Variants in HIVEP3 observed in about 807,000 individuals in gnomAD.
HIVEP3 encodes HIVEP zinc finger 3.
In HIVEP3, 49 loss-of-function variants were observed where a neutral mutation model predicts 152.8. The observed-to-expected ratio is 0.32, with a 90% CI of 0.26 to 0.41. The LOEUF is 0.41. Ranked by LOEUF, HIVEP3 falls within the 10% of genes least tolerant of loss-of-function variation. HIVEP3 has a pLI of 1.00. For missense variants in HIVEP3, 2,790 were observed against 3,103.3 expected (o/e 0.90, Z 2.40); for synonymous variants, 1,269 against 1,289.0 (o/e 0.98, Z 0.33).
intron 1 of HIVEP3, among the ~76,000 whole-genome samples, chr1:41,963,301 G>A (rs1190355109): frequency 3.3e-5 from 5 of 152,254 alleles, no homozygotes; most frequent in African/African-American, 1.2e-4. Context: ...GTGAGCCACC[G>A]CGCCCGGCCA....
rs768994115 is a variant in HIVEP3, at chr1:41,511,211, G to A, written c.6461C>T (p.Ser2154Phe). 76 of 1,613,652 alleles carry A rather than the reference G, an allele frequency of 4.7e-5. No individual in the cohort carries two copies. Among genetic ancestry groups the A allele is most frequent in the Admixed American group, 8.3e-5 (5 of 59,986 alleles). ...SCSPGPAHPL[S>F]SRPFSALHDF... ...ATGGAGGGCGGAGAAGGGTCGGGAG[G>A]AGAGAGGATGAGCAGGGCCGGGTGA... Residue 2154 changes from serine (S) to phenylalanine (F), a missense_variant, in exon 9 of 9, where the codon TCC (serine) becomes TTC (phenylalanine). Physicochemically the swap from Ser to Phe is radical, Grantham distance 155. Around this residue, in one of 9 missense-constraint regions of HIVEP3, gnomAD observed 816 missense variants for 806.5 expected, o/e 1.01. Transcript: ENST00000372583. This position sits in a 1 kb window ranked among gnomAD's most constrained non-coding sequence, Gnocchi z 4.9.
At chr1:41,684,836 GTGGATACCA>G (rs1259894233) in intron 2 of HIVEP3, among the ~76,000 whole-genome samples, 1 of 152,210 alleles carries the variant, frequency 6.6e-6, no homozygotes, top group African/African-American at 2.4e-5. Context: ...AACCTGCCAG[GTGGATACCA>G]TTATTCTCTT....
At chr1:41,850,323 C>CCA (rs147906249) in intron 1 of HIVEP3, among the ~76,000 whole-genome samples, 8,821 of 147,874 alleles carry the variant, frequency 0.06, 827 homozygotes, top group African/African-American at 0.22. Context: ...GAAAAGGCCA[C>CCA]CACACACACA....
Position 41,513,358 on chromosome 1 carries a change from C to T in HIVEP3, c.5863G>A (p.Gly1955Ser). The T allele has an allele frequency of 1.2e-6, 2 of 1,612,740 alleles. No homozygotes were observed. Among genetic ancestry groups the T allele is most frequent in the African/African-American group, 1.3e-5 (1 of 75,024 alleles). ...ACAGGCTTGTAGCTCAAGGCTGAGCCTGTGTCTTTCTCCACAGAGCCCAGA... is the reference window on the plus strand; with the variant it reads ...ACAGGCTTGTAGCTCAAGGCTGAGCTTGTGTCTTTCTCCACAGAGCCCAGA... ...APLGSVEKDT[G>S]SALSYKPVSP... is the part of the protein sequence containing the mutation. Residue 1955 changes from glycine (G) to serine (S), a missense_variant, in exon 8 of 9, where the codon GGC becomes AGC. By Grantham distance (56) the Gly-to-Ser change is moderately conservative. This residue lies in a region of HIVEP3 where 816 missense variants were observed against 806.5 expected (regional missense o/e 1.01). Coordinates refer to ENST00000372583, the MANE Select transcript of HIVEP3 (RefSeq NM_024503.5).
intron 1 of HIVEP3, among the ~76,000 whole-genome samples, chr1:41,704,957 T>C (rs113811947): frequency 0.016 from 2,470 of 152,348 alleles, 71 homozygotes; most frequent in African/African-American, 0.057. Context: ...TAAAAATATC[T>C]GTATTATCAA....
At chr1:41,921,005 A>C (rs1410013339), upstream of HIVEP3, among the ~76,000 whole-genome samples, 1 of 152,212 alleles carries the variant, frequency 6.6e-6, no homozygotes, top group Non-Finnish European at 1.5e-5. Context: ...TGCTGCTTTA[A>C]AGAAAAAGCC....
chr1:41,904,143 T>C (rs1315037685), intron 1 of HIVEP3, among the ~76,000 whole-genome samples: 3 of 152,062 alleles, frequency 2.0e-5, no homozygotes, highest in Non-Finnish European at 2.9e-5. Flanking sequence ...GTGATCTGCC[T>C]ACCTCGGCCT....
intron 1 of HIVEP3, among the ~76,000 whole-genome samples, chr1:41,896,893 AC>A (rs1644537568): frequency 6.6e-6 from 1 of 151,662 alleles, no homozygotes; most frequent in East Asian, 1.9e-4. Flanking sequence ...TTTTTAATGA[AC>A]TCCAGTTCTC....
At chr1:41,517,274 A>G (rs1569682635) in intron 7 of HIVEP3, among the ~76,000 whole-genome samples, 1 of 152,158 alleles carries the variant, frequency 6.6e-6, no homozygotes, top group East Asian at 1.9e-4. Flanking sequence ...TACCTGTCTG[A>G]GCTTTGACTT....
chr1:41,649,855 C>T (rs1645519934), intron 2 of HIVEP3, among the ~76,000 whole-genome samples: 1 of 152,014 alleles, frequency 6.6e-6, no homozygotes, highest in Non-Finnish European at 1.5e-5. Context: ...GGCAGGGTTG[C>T]CAAAATTCTG....
At chr1:41,570,356 G>A (rs905394671) in intron 5 of HIVEP3, among the ~76,000 whole-genome samples, 3 of 152,208 alleles carry the variant, frequency 2.0e-5, no homozygotes, top group African/African-American at 7.2e-5. Flanking sequence ...ACCAGGTGGA[G>A]GAATTGAATC....
chr1:41,887,199 A>C (rs114095613), intron 1 of HIVEP3, among the ~76,000 whole-genome samples: 8 of 152,350 alleles, frequency 5.3e-5, no homozygotes, highest in African/African-American at 1.9e-4. Context: ...AAATATATTC[A>C]GGGAAAAAAG....
intron 1 of HIVEP3, among the ~76,000 whole-genome samples, chr1:41,844,490 T>C (rs1643380061): frequency 6.6e-6 from 1 of 152,206 alleles, no homozygotes; most frequent in Non-Finnish European, 1.5e-5. Flanking sequence ...CGTCATCCGA[T>C]GCCGCTTCTT....
At chr1:41,982,713 G>A (rs559913066) in intron 1 of HIVEP3, among the ~76,000 whole-genome samples, 86 of 152,260 alleles carry the variant, frequency 5.6e-4, no homozygotes, top group African/African-American at 2.0e-3. Flanking sequence ...CAGAATTGGT[G>A]ATAGAATAGG....
chr1:41,609,541 T>C (rs1461887875), intron 3 of HIVEP3, among the ~76,000 whole-genome samples: 1 of 152,240 alleles, frequency 6.6e-6, no homozygotes, highest in African/African-American at 2.4e-5. Flanking sequence ...ACACTAAGTG[T>C]ACCAGGAGAA....
At chr1:41,628,669 G>A in intron 3 of HIVEP3, 80 bp downstream of exon 3, 2 of 1,034,610 alleles carry the variant, frequency 1.9e-6, no homozygotes, top group Non-Finnish European at 2.5e-6. Context: ...ATTTTTCAGA[G>A]GAAGAACTAA....
chr1:41,710,972 A>C (rs1382448934), intron 1 of HIVEP3, among the ~76,000 whole-genome samples: 1 of 152,250 alleles, frequency 6.6e-6, no homozygotes, highest in South Asian at 2.1e-4. Flanking sequence ...GACCGGAGAA[A>C]TCAACCAGCT....
At chr1:42,023,141 G>T (rs562685698) in intron 1 of HIVEP3, among the ~76,000 whole-genome samples, 61 of 152,216 alleles carry the variant, frequency 4.0e-4, no homozygotes, top group African/African-American at 1.4e-3. Flanking sequence ...CAAGTAGCTG[G>T]AATTACAGGC....
intron 5 of HIVEP3, among the ~76,000 whole-genome samples, chr1:41,567,312 T>C (rs192480943): frequency 8.9e-4 from 135 of 152,356 alleles, no homozygotes; most frequent in African/African-American, 3.2e-3. Context: ...ATGTCTCACC[T>C]GGGCTTTCAG....
Sources: allele counts gnomAD v4.1 joint callset (sites outside exome capture counted in the v4.1 genomes callset), GRCh38; gene constraint gnomAD v4.1.1; regional missense constraint gnomAD v4.1.1; non-coding constraint Gnocchi (gnomAD v3.1); transcripts MANE v1.5; gene names NCBI Gene and HGNC (gene_info 2026-07-23, HGNC 2026-07-21).